MINK1: variants seen among roughly 807,000 people sequenced by gnomAD.
MINK1 encodes misshapen like kinase 1.
In MINK1, 46 loss-of-function variants were observed where a neutral mutation model predicts 178.4. That is an observed-to-expected ratio of 0.26 (90% confidence interval 0.20 to 0.33). MINK1 has a LOEUF of 0.33. Ranked by LOEUF, MINK1 falls within the 10% of genes least tolerant of loss-of-function variation. The pLI is 1.00. For missense variants in MINK1, 1,366 were observed against 1,814.9 expected, an observed-to-expected ratio of 0.75 and a Z score of 4.49; for synonymous variants, 797 against 709.7, an observed-to-expected ratio of 1.12 and a Z score of -1.96.
chr17:4,879,883 T>C (rs760377722), intron 2 of MINK1, among the ~76,000 whole-genome samples: 1 of 152,146 alleles, frequency 6.6e-6, no homozygotes, highest in Non-Finnish European at 1.5e-5. Flanking sequence ...GTGGGTGAAG[T>C]TGATTCTGGG....
In MINK1 at chr17:4,895,906, T is replaced by C. The variant is rs932651164; in HGVS notation, c.3364+74T>C. 2 of 1,579,546 alleles carry C rather than the reference T, an allele frequency of 1.3e-6. No individual in the cohort carries two copies. Among genetic ancestry groups the C allele is most frequent in the Non-Finnish European group, 1.7e-6 (2 of 1,161,506 alleles). The stretch of plus-strand genomic sequence containing the variant: ...AGAAATGGATCTGGGAGCCAGGGAC[T>C]TGGGGCCTGGGTGGGGCAGTGTAGT... On this transcript the variant is annotated intron_variant, in intron 27 of 31. Transcript: ENST00000355280. This position sits in a 1 kb window ranked among gnomAD's most constrained non-coding sequence, Gnocchi z 4.3.
intron 1 of MINK1, among the ~76,000 whole-genome samples, chr17:4,869,165 C>T (rs1915488369): frequency 6.6e-6 from 1 of 151,954 alleles, no homozygotes; most frequent in South Asian, 2.1e-4. Flanking sequence ...ACCTCATGAT[C>T]TGCCTGCCTC....
rs1175327617 is a variant in MINK1, at chr17:4,896,884, C to G, written c.3915+71C>G. 7.4e-6 allele frequency: 11 copies of G among 1,491,864 alleles called. No individual in the cohort carries two copies. The highest frequency in any genetic ancestry group is 9.8e-6 in the Non-Finnish European group (11 of 1,122,536). 92.4% of individuals were successfully genotyped at this position (1,491,864 alleles called of 1,614,324 possible). On this transcript the variant is annotated intron_variant, in intron 31 of 31. Coordinates refer to ENST00000355280, the MANE Select transcript of MINK1 (RefSeq NM_153827.5). The surrounding 1 kb of genome is among the most constrained non-coding windows in gnomAD (Gnocchi z 4.6). ...TGACCCTAGGCCCCTGGGCAGAGTT[C>G]TGGGGAGAGGATGGTGGTGGTGGCT...
chr17:4,833,747 T>C lies in MINK1; in HGVS notation c.57+107T>C, dbSNP rs75002361. ...GCTCCCGGGCGCCCCCTCCACCAGC[T>C]TGGGTCCCCTTGGCGACCCGTGCCC... is the stretch of plus-strand genomic sequence containing the variant. On this transcript the variant is annotated intron_variant, in intron 1 of 31. Coordinates refer to ENST00000355280, the MANE Select transcript of MINK1 (RefSeq NM_153827.5). This position sits in a 1 kb window ranked among gnomAD's most constrained non-coding sequence, Gnocchi z 4.8. 0.2 allele frequency: 185,880 copies of C among 917,274 alleles called. 25,599 individuals are homozygous for C. Among genetic ancestry groups the C allele is most frequent in the East Asian group, 0.69 (20,950 of 30,240 alleles). 56.8% of individuals were successfully genotyped at this position (917,274 alleles called of 1,614,324 possible).
chr17:4,896,950 G>T lies in MINK1; in HGVS notation c.3915+137G>T, dbSNP rs2095495569. On this transcript the variant is annotated intron_variant, in intron 31 of 31. Transcript: ENST00000355280. This position sits in a 1 kb window ranked among gnomAD's most constrained non-coding sequence, Gnocchi z 4.6. ...CCTCTGGGAGCTCAGAGGGCAGTCA[G>T]CCACTACCACTGCCCTGCGCTCCCT... 13 of 1,201,228 alleles carry T rather than the reference G, an allele frequency of 1.1e-5. No individual in the cohort carries two copies. The highest frequency in any genetic ancestry group is 1.4e-5 in the Non-Finnish European group (12 of 877,080). The allele number at this position is 1,201,228 out of a possible 1,614,324, so 74.4% of individuals were successfully genotyped here.
chr17:4,859,761 C>T (rs540978036), intron 1 of MINK1, among the ~76,000 whole-genome samples: 2 of 119,372 alleles, frequency 1.7e-5, no homozygotes, highest in South Asian at 5.3e-4. Context: ...GCACTCCAGC[C>T]TGGGTGACAA....
intron 16 of MINK1, 23 bp downstream of exon 16, chr17:4,891,739 A>T: frequency 6.3e-7 from 1 of 1,583,796 alleles, no homozygotes; most frequent in Non-Finnish European, 8.6e-7. Flanking sequence ...CTGCAGGCCC[A>T]GGGAAAAGCA....
At chr17:4,859,919 T>G (rs1597435476) in intron 1 of MINK1, among the ~76,000 whole-genome samples, 1 of 148,948 alleles carries the variant, frequency 6.7e-6, no homozygotes, top group Non-Finnish European at 1.5e-5. Flanking sequence ...ACCAACACCG[T>G]AGGAACTACT....
In MINK1 at chr17:4,887,001, C is replaced by A; in HGVS notation, c.950-109C>A. On this transcript the variant is annotated intron_variant, in intron 10 of 31. Transcript: ENST00000355280. This position sits in a 1 kb window ranked among gnomAD's most constrained non-coding sequence, Gnocchi z 7.6. Reference sequence around the variant, plus strand: ...TGCCCCCAGGAAGTGGGTGGGGCCCCTCATGCTTGCCCAGCCAGAGAGACC... The same window carrying A: ...TGCCCCCAGGAAGTGGGTGGGGCCCATCATGCTTGCCCAGCCAGAGAGACC... 1 of 1,223,126 alleles carries A rather than the reference C, an allele frequency of 8.2e-7. No homozygotes were observed. 75.8% of individuals were successfully genotyped at this position (1,223,126 alleles called of 1,614,324 possible).
chr17:4,886,414 A>AG lies in MINK1; in HGVS notation c.774-33dup. 1 of 1,579,796 alleles carries AG rather than the reference A, an allele frequency of 6.3e-7. No individual in the cohort carries two copies. The highest frequency in any genetic ancestry group is 2.2e-5 in the East Asian group (1 of 44,608). ...CTTCCTCCTGCACCCATCCCTTCTGAGGGGACCCTCCCAGTGTGAGCCACC... is the reference window on the plus strand; with the variant it reads ...CTTCCTCCTGCACCCATCCCTTCTGAGGGGGACCCTCCCAGTGTGAGCCACC... On this transcript the variant is annotated intron_variant, in intron 9 of 31. Coordinates refer to ENST00000355280, the MANE Select transcript of MINK1 (RefSeq NM_153827.5). The surrounding 1 kb of genome is among the most constrained non-coding windows in gnomAD (Gnocchi z 6.1).
intron 1 of MINK1, among the ~76,000 whole-genome samples, chr17:4,868,169 G>T (rs1279115695): frequency 6.6e-6 from 1 of 151,998 alleles, no homozygotes; most frequent in Non-Finnish European, 1.5e-5. Flanking sequence ...TAGAGATGGG[G>T]TTTCACCCAG....
chr17:4,883,578 C>A (rs1967919955), intron 4 of MINK1, among the ~76,000 whole-genome samples: 1 of 151,868 alleles, frequency 6.6e-6, no homozygotes, highest in South Asian at 2.1e-4. Flanking sequence ...GTCACCCAGG[C>A]TGGAGTTCAG....
chr17:4,881,154 A>G lies in MINK1; in HGVS notation c.203A>G (p.Gln68Arg). Residue 68 changes from glutamine (Q) to arginine (R), a missense_variant, in exon 4 of 32, where the codon CAG (glutamine) becomes CGG (arginine). Coordinates refer to ENST00000355280, the MANE Select transcript of MINK1 (RefSeq NM_153827.5). The stretch of plus-strand genomic sequence containing the variant: ...TAGGACGAGGAGGAAGAGATCAAAC[A>G]GGAGATCAACATGCTGAAAAAGTAC... The part of the protein sequence containing the change: ...VTEDEEEEIK[Q>R]EINMLKKYSH... The G allele has an allele frequency of 6.5e-7, 1 of 1,537,132 alleles. No homozygotes were observed. Among genetic ancestry groups the G allele is most frequent in the Non-Finnish European group, 8.7e-7 (1 of 1,146,866 alleles).
Position 4,892,736 on chromosome 17 carries a change from A to C in MINK1, c.2279A>C (p.Gln760Pro). The C allele has an allele frequency of 6.2e-7, 1 of 1,611,742 alleles. No homozygotes were observed. The highest frequency in any genetic ancestry group is 8.5e-7 in the Non-Finnish European group (1 of 1,179,404). ...CCAGCCTCTCACGGGCACCTCCCCCAGGCTGGCTCACTGGAGCGGAACCGC... is the reference window on the plus strand; with the variant it reads ...CCAGCCTCTCACGGGCACCTCCCCCCGGCTGGCTCACTGGAGCGGAACCGC... ...VLPASHGHLP[Q>P]AGSLERNRVG... is the part of the protein sequence containing the mutation. Residue 760 changes from glutamine to proline, a missense_variant, in exon 19 of 32, where the codon CAG (glutamine) becomes CCG (proline). Gln to Pro is a moderately conservative substitution (Grantham distance 76). Coordinates refer to ENST00000355280, the MANE Select transcript of MINK1 (RefSeq NM_153827.5).
Position 4,896,805 on chromosome 17 carries a change from A to C in MINK1, c.3907A>C (p.Asn1303His), listed in dbSNP as rs1486846202. Residue 1303 changes from asparagine (N) to histidine (H), a missense_variant, in exon 31 of 32, where the codon AAT (asparagine) becomes CAT (histidine). Transcript: ENST00000355280. This position sits in a 1 kb window ranked among gnomAD's most constrained non-coding sequence, Gnocchi z 4.6. ...AQRLKFLCER[N>H]DKVFFASVRS... ...GAGGCTCAAGTTCCTGTGTGAGCGGAATGACAAGGTGGGAGGCTCCTTCCC... is the reference window on the plus strand; with the variant it reads ...GAGGCTCAAGTTCCTGTGTGAGCGGCATGACAAGGTGGGAGGCTCCTTCCC... 2 of 1,564,334 alleles carry C rather than the reference A, an allele frequency of 1.3e-6. No individual in the cohort carries two copies. The highest frequency in any genetic ancestry group is 1.7e-6 in the Non-Finnish European group (2 of 1,155,692).
Position 4,896,653 on chromosome 17 carries a change from C to T in MINK1, c.3776-21C>T. 6.2e-7 allele frequency: 1 copy of T among 1,605,464 alleles called. No individual in the cohort carries two copies. Among genetic ancestry groups the T allele is most frequent in the Non-Finnish European group, 8.5e-7 (1 of 1,174,872 alleles). ...TGGCCCCGGGGTGCAGCCTGCTCAG[C>T]CCCTCACCTGTTCCCCACAGCCTAC... On this transcript the variant is annotated intron_variant, in intron 30 of 31. Transcript: ENST00000355280. This position sits in a 1 kb window ranked among gnomAD's most constrained non-coding sequence, Gnocchi z 4.6.
At chr17:4,870,022 C>G (rs1287499413) in intron 1 of MINK1, among the ~76,000 whole-genome samples, 1 of 151,088 alleles carries the variant, frequency 6.6e-6, no homozygotes, top group African/African-American at 2.4e-5. Context: ...ATTCTCCTGC[C>G]TCAGCCTCCT....
At position 4,872,986 on chromosome 17, in the gene MINK1, G is replaced by A. The variant is rs139272305; in HGVS notation, c.58-5331G>A. ...CACAGCCCTGTCTCCTCCAGCCCCC[G>A]CTGTCTGCCCTCTGCTCACACAGCG... On this transcript the variant is annotated intron_variant, in intron 1 of 31. Transcript: ENST00000355280. 4.2e-3 allele frequency among the ~76,000 whole-genome samples: 644 copies of A among 152,224 alleles called. 5 individuals are homozygous for A. The highest frequency in any genetic ancestry group is 0.015 in the African/African-American group (612 of 41,544).
In MINK1 at chr17:4,887,296, C is replaced by A; in HGVS notation, c.1019+117C>A. On this transcript the variant is annotated intron_variant, in intron 11 of 31. Transcript: ENST00000355280. This position sits in a 1 kb window ranked among gnomAD's most constrained non-coding sequence, Gnocchi z 7.6. ...GGTGGTGGGCACAGAGAGGTAGAGACTCCTGGAAACCAAATTTCTGAGTGC... is the reference window on the plus strand; with the variant it reads ...GGTGGTGGGCACAGAGAGGTAGAGAATCCTGGAAACCAAATTTCTGAGTGC... The A allele has an allele frequency of 9.5e-7, 1 of 1,057,492 alleles. No individual in the cohort carries two copies. 65.5% of individuals were successfully genotyped at this position (1,057,492 alleles called of 1,614,324 possible).
Sources: gnomAD v4.1 joint callset for allele counts (sites outside exome capture counted in the v4.1 genomes callset) on GRCh38, gnomAD v4.1.1 for gene constraint, Gnocchi (gnomAD v3.1) non-coding constraint, MANE v1.5 for transcripts, NCBI Gene and HGNC (gene_info 2026-07-23, HGNC 2026-07-21) for gene names.